The following TNR variants were observed in gnomAD, a reference collection of about 807,000 sequenced individuals.
TNR encodes tenascin R.
TNR carries 45 observed loss-of-function variants against 150.4 expected under a neutral mutation model. The observed-to-expected ratio is 0.30, with a 90% CI of 0.24 to 0.38. The LOEUF is 0.38. TNR is among the 10% of genes least tolerant of loss of function. The pLI is 1.00. For synonymous variants in TNR, 687 were observed against 678.4 expected (o/e 1.01, Z -0.20); for missense variants, 1,544 against 1,759.1 (o/e 0.88, Z 2.19).
Position 175,585,151 on chromosome 1 carries a change from A to G in TNR, c.-164-56782T>C, listed in dbSNP as rs533308740. On this transcript the variant is annotated intron_variant, in intron 1 of 22. Transcript: ENST00000367674. ...AACTGATGATGTGATCTGGGCACAA[A>G]AACTGATAAAGTAGGTGCAGTTATC... Among the ~76,000 whole-genome samples, 119 of 152,362 alleles carry G rather than the reference A, an allele frequency of 7.8e-4. 4 individuals carry two copies. The South Asian group carries it at 0.024, about 30-fold the overall frequency.
intron 1 of TNR, among the ~76,000 whole-genome samples, chr1:175,611,597 G>A (rs1156718059): frequency 6.6e-6 from 1 of 152,152 alleles, no homozygotes; most frequent in Non-Finnish European, 1.5e-5. Flanking sequence ...GCTTCTCAAA[G>A]TGCTGGGATT....
chr1:175,678,701 T>C (rs931314590), intron 1 of TNR, among the ~76,000 whole-genome samples: 5 of 152,132 alleles, frequency 3.3e-5, no homozygotes, highest in Admixed American at 2.6e-4. Context: ...AGAGGTGACA[T>C]TGACAGCTAA....
intron 1 of TNR, among the ~76,000 whole-genome samples, chr1:175,657,580 C>A (rs1266283554): frequency 6.6e-6 from 1 of 151,848 alleles, no homozygotes; most frequent in African/African-American, 2.4e-5. Context: ...CCATGGAATA[C>A]TATGCAGCCA....
rs1187135327 is a variant in TNR at position 175,581,283 on chromosome 1, G to A, written c.-164-52914C>T. Among the ~76,000 whole-genome samples, 16 of 152,142 alleles carry A rather than the reference G, an allele frequency of 1.1e-4. No homozygotes were observed. The East Asian group carries it at 2.3e-3, about 22-fold the overall frequency. Reference sequence around the variant, plus strand: ...TTGCTGGATAGAATGCCATAGATGCGTCAAGAACAGCCTTCACTGTAATCT... The same window carrying A: ...TTGCTGGATAGAATGCCATAGATGCATCAAGAACAGCCTTCACTGTAATCT... On this transcript the variant is annotated intron_variant, in intron 1 of 22. Coordinates refer to ENST00000367674, the MANE Select transcript of TNR (RefSeq NM_003285.3).
At chr1:175,727,571 A>G in intron 1 of TNR, among the ~76,000 whole-genome samples, 1 of 152,346 alleles carries the variant, frequency 6.6e-6, no homozygotes, top group South Asian at 2.1e-4. Flanking sequence ...TTCTCAAGGT[A>G]GGAGATATCA....
intron 2 of TNR, among the ~76,000 whole-genome samples, chr1:175,431,492 T>A (rs1655256987): frequency 6.6e-6 from 1 of 152,206 alleles, no homozygotes; most frequent in Non-Finnish European, 1.5e-5. Flanking sequence ...TCCCCACCTT[T>A]TTCCTCTTCT....
rs763140920 is a variant in TNR at position 175,481,043 on chromosome 1, C to T, written c.-64+47226G>A. On this transcript the variant is annotated intron_variant, in intron 2 of 22. Coordinates refer to ENST00000367674, the MANE Select transcript of TNR (RefSeq NM_003285.3). ...TTGAACTGAAAACCTTCTGCGTTGT[C>T]ACTGTGGATTAGCATGCTTTAAGAC... Among the ~76,000 whole-genome samples the T allele has an allele frequency of 2.8e-4, 42 of 152,066 alleles. 1 individual carries two copies. Among genetic ancestry groups the T allele is most frequent in the Non-Finnish European group, 5.3e-4 (36 of 68,018 alleles).
Position 175,679,310 on chromosome 1 carries a change from C to G in TNR, c.-165+63916G>C, listed in dbSNP as rs373980211. Among the ~76,000 whole-genome samples the G allele has an allele frequency of 1.4e-4, 22 of 152,332 alleles. No homozygotes were observed. The East Asian group carries it at 2.7e-3, about 19-fold the overall frequency. On this transcript the variant is annotated intron_variant, in intron 1 of 22. Coordinates refer to ENST00000367674, the MANE Select transcript of TNR (RefSeq NM_003285.3). ...CCACGGGGCAGGCTCCTGGGCCAGA[C>G]AGCTGGGGCACCAGTGAGAGATGTC...
intron 2 of TNR, among the ~76,000 whole-genome samples, chr1:175,429,241 A>G (rs948676306): frequency 6.6e-6 from 1 of 152,226 alleles, no homozygotes; most frequent in African/African-American, 2.4e-5. Flanking sequence ...TTTAACATGC[A>G]AACATGATTT....
chr1:175,688,930 A>T (rs1666276309), intron 1 of TNR, among the ~76,000 whole-genome samples: 1 of 152,220 alleles, frequency 6.6e-6, no homozygotes, highest in African/African-American at 2.4e-5. Flanking sequence ...CTCAGCAAAC[A>T]TTATACAGTG....
chr1:175,331,497 T>C (rs1424432995), intron 20 of TNR, among the ~76,000 whole-genome samples: 1 of 152,106 alleles, frequency 6.6e-6, no homozygotes, highest in East Asian at 1.9e-4. Context: ...TCTCCTGACC[T>C]CGTGATCTGC....
At chr1:175,358,131 T>C (rs921456826) in intron 15 of TNR, among the ~76,000 whole-genome samples, 3 of 152,112 alleles carry the variant, frequency 2.0e-5, no homozygotes, top group Non-Finnish European at 4.4e-5. Context: ...AATTAAAAAA[T>C]GCGGGATCAT....
intron 1 of TNR, among the ~76,000 whole-genome samples, chr1:175,637,748 G>A (rs1254721296): frequency 6.6e-6 from 1 of 152,170 alleles, no homozygotes; most frequent in African/African-American, 2.4e-5. Context: ...TACCACTAGG[G>A]GGGAAATGTC....
chr1:175,441,951 G>A (rs949727270), intron 2 of TNR, among the ~76,000 whole-genome samples: 2 of 152,192 alleles, frequency 1.3e-5, no homozygotes, highest in African/African-American at 4.8e-5. Context: ...TTATGTAGAA[G>A]CATGACATAT....
At chr1:175,652,678 C>T (rs554838199) in intron 1 of TNR, among the ~76,000 whole-genome samples, 11 of 152,254 alleles carry the variant, frequency 7.2e-5, no homozygotes, top group South Asian at 2.1e-4. Context: ...CATGGTAAGA[C>T]GTGCCTGCTT....
chr1:175,415,940 G>A (rs12758737), intron 2 of TNR, among the ~76,000 whole-genome samples: 8,042 of 152,102 alleles, frequency 0.053, 297 homozygotes, highest in Middle Eastern at 0.17. Context: ...GGGTGGGGGC[G>A]CCTATTTCTT....
intron 2 of TNR, among the ~76,000 whole-genome samples, chr1:175,447,343 C>T (rs6697736): frequency 0.39 from 58,641 of 151,916 alleles, 13,313 homozygotes; most frequent in African/African-American, 0.63. Flanking sequence ...TCCCATTCTC[C>T]CCACTCCTCC....
intron 1 of TNR, among the ~76,000 whole-genome samples, chr1:175,703,191 G>A (rs1317132905): frequency 6.6e-6 from 1 of 152,140 alleles, no homozygotes; most frequent in African/African-American, 2.4e-5. Flanking sequence ...TTAATTGATA[G>A]TCTACATATT....
At chr1:175,696,696 A>C (rs1012157842) in intron 1 of TNR, among the ~76,000 whole-genome samples, 4 of 152,132 alleles carry the variant, frequency 2.6e-5, no homozygotes, top group African/African-American at 9.7e-5. Context: ...CCTGACCAAC[A>C]TGGAGAAAAC....
Sources: allele counts gnomAD v4.1 joint callset (sites outside exome capture counted in the v4.1 genomes callset), GRCh38; gene constraint gnomAD v4.1.1; transcripts MANE v1.5; gene names NCBI Gene and HGNC (gene_info 2026-07-23, HGNC 2026-07-21).